The following RUNX2 variants were observed in gnomAD, a reference collection of about 807,000 sequenced individuals.
The protein encoded by RUNX2 is runt-related transcription factor 2.
Under a neutral mutation model 51.7 loss-of-function variants are expected in RUNX2, and 10 were observed. The observed-to-expected ratio is 0.19, with a 90% CI of 0.12 to 0.33. RUNX2 has a LOEUF of 0.33. Ranked by LOEUF, RUNX2 falls within the 10% of genes least tolerant of loss-of-function variation. RUNX2 has a pLI of 1.00. For missense variants in RUNX2, 562 were observed against 691.3 expected (o/e 0.81, Z 2.10); for synonymous variants, 276 against 273.6 (o/e 1.01, Z -0.09).
chr6:45,343,886 AGC>A (rs1790323259), intron 2 of RUNX2, among the ~76,000 whole-genome samples: 1 of 152,170 alleles, frequency 6.6e-6, no homozygotes, highest in Non-Finnish European at 1.5e-5. Context: ...TTAGAATCTT[AGC>A]CATCAAAGAC....
intron 2 of RUNX2, among the ~76,000 whole-genome samples, chr6:45,341,077 A>G (rs1789676680): frequency 6.6e-6 from 1 of 152,180 alleles, no homozygotes; most frequent in Non-Finnish European, 1.5e-5. Context: ...TGCCTACCAA[A>G]AAAATACTGC....
intron 5 of RUNX2, among the ~76,000 whole-genome samples, chr6:45,442,767 T>G (rs187388886): frequency 1.3e-5 from 2 of 152,328 alleles, no homozygotes; most frequent in East Asian, 3.9e-4. Context: ...GCTTGGGGTC[T>G]ATCATGTAGC....
intron 6 of RUNX2, among the ~76,000 whole-genome samples, chr6:45,503,339 C>T (rs941397890): frequency 1.3e-5 from 2 of 152,074 alleles, no homozygotes; most frequent in African/African-American, 2.4e-5. Context: ...AGAGTAGATA[C>T]CTGATACATA....
intron 2 of RUNX2, among the ~76,000 whole-genome samples, chr6:45,394,818 A>G (rs1401111404): frequency 6.6e-6 from 1 of 152,166 alleles, no homozygotes; most frequent in African/African-American, 2.4e-5. Flanking sequence ...GGCGTTGGTT[A>G]AGCAGAACAA....
intron 2 of RUNX2, among the ~76,000 whole-genome samples, chr6:45,369,837 G>A (rs748165232): frequency 2.8e-4 from 42 of 152,114 alleles, no homozygotes; most frequent in Non-Finnish European, 5.3e-4. Flanking sequence ...AAAAAAACAA[G>A]TTGATTTCAA....
intron 2 of RUNX2, among the ~76,000 whole-genome samples, chr6:45,372,823 T>C (rs1164085659): frequency 6.6e-6 from 1 of 151,954 alleles, no homozygotes; most frequent in Admixed American, 6.6e-5. Context: ...CAAGCTCAGC[T>C]ACATTTTTTT....
At chr6:45,422,495 C>T (rs1253401165) in intron 2 of RUNX2, 98 bp from the exon 3 acceptor site, 7 of 444,228 alleles carry the variant, frequency 1.6e-5, no homozygotes, top group Admixed American at 7.4e-5. Flanking sequence ...GTCTCGCCTT[C>T]ACCCCCCCAA....
chr6:45,442,137 A>T lies in RUNX2; in HGVS notation c.685+4086A>T, dbSNP rs142914162. Among the ~76,000 whole-genome samples the T allele has an allele frequency of 5.9e-5, 9 of 152,364 alleles. No individual in the cohort carries two copies. In the East Asian group the frequency reaches 1.7e-3, roughly 29 times the overall value. The stretch of plus-strand genomic sequence containing the variant: ...TCTCGGTTATAAAACTTCCCTTTAA[A>T]GGAACATAGCCGATGACTTATTAGA... On this transcript the variant is annotated intron_variant, in intron 5 of 8. Coordinates refer to ENST00000647337, the MANE Select transcript of RUNX2 (RefSeq NM_001024630.4).
chr6:45,425,574 A>G (rs1315203630), intron 3 of RUNX2, among the ~76,000 whole-genome samples: 1 of 152,190 alleles, frequency 6.6e-6, no homozygotes, highest in African/African-American at 2.4e-5. Context: ...TGTGTTAAAC[A>G]ATTCAAAAAG....
chr6:45,330,223 A>C (rs1332084578), intron 2 of RUNX2, among the ~76,000 whole-genome samples: 4 of 151,936 alleles, frequency 2.6e-5, no homozygotes. Flanking sequence ...TTAAAATTTT[A>C]ATGATGGGTA....
intron 7 of RUNX2, among the ~76,000 whole-genome samples, chr6:45,532,150 T>C (rs1055495666): frequency 2.1e-5 from 3 of 145,374 alleles, no homozygotes; most frequent in African/African-American, 7.6e-5. Context: ...ATTTTGTACA[T>C]AGAAAACCTA....
intron 2 of RUNX2, among the ~76,000 whole-genome samples, chr6:45,398,784 C>G (rs1357570742): frequency 1.3e-5 from 2 of 152,224 alleles, no homozygotes; most frequent in African/African-American, 4.8e-5. Context: ...GGCATGTGCT[C>G]TAATACAACT....
rs886061498 is a variant in RUNX2 at position 45,548,186 on chromosome 6, A to G, written c.*881A>G. On this transcript the variant is annotated 3_prime_UTR_variant, in exon 9 of 9. Coordinates refer to ENST00000647337, the MANE Select transcript of RUNX2 (RefSeq NM_001024630.4). ...AGGTAACTTGCTAACGTGAATGGTCATATAACTTTAAAGATATATTTATAA... is the reference window on the plus strand; with the variant it reads ...AGGTAACTTGCTAACGTGAATGGTCGTATAACTTTAAAGATATATTTATAA... The G allele has an allele frequency of 9.8e-5, 15 of 152,730 alleles. No individual in the cohort carries two copies. In the East Asian group the frequency reaches 2.5e-3, roughly 25 times the overall value. The allele number at this position is 152,730 out of a possible 1,614,324, so 9.5% of individuals were successfully genotyped here.
chr6:45,471,580 G>C (rs573205110), intron 5 of RUNX2, among the ~76,000 whole-genome samples: 1 of 151,868 alleles, frequency 6.6e-6, no homozygotes, highest in East Asian at 1.9e-4. Flanking sequence ...CAGCAGCTGG[G>C]ACTACAGGCG....
intron 5 of RUNX2, among the ~76,000 whole-genome samples, chr6:45,472,079 T>G (rs146319436): frequency 6.6e-6 from 1 of 152,216 alleles, no homozygotes; most frequent in Non-Finnish European, 1.5e-5. Context: ...GCTTGTTTGA[T>G]AGTAATTCTC....
chr6:45,485,192 CT>C (rs199954113), intron 5 of RUNX2, among the ~76,000 whole-genome samples: 22,480 of 139,164 alleles, frequency 0.16, 1,227 homozygotes, highest in Middle Eastern at 0.23. Context: ...TTCTTTCTTT[CT>C]TTTTTTTTTT....
At chr6:45,511,109 T>C (rs1016632116) in intron 6 of RUNX2, among the ~76,000 whole-genome samples, 1 of 152,252 alleles carries the variant, frequency 6.6e-6, no homozygotes, top group African/African-American at 2.4e-5. Context: ...ATGATTTTGT[T>C]TGATTAGCCC....
chr6:45,475,735 A>C (rs1799938480), intron 5 of RUNX2, among the ~76,000 whole-genome samples: 1 of 152,198 alleles, frequency 6.6e-6, no homozygotes. Context: ...CAGTTGAACA[A>C]AGTAGATCAG....
intron 3 of RUNX2, among the ~76,000 whole-genome samples, chr6:45,428,465 A>C (rs1027791598): frequency 6.6e-6 from 1 of 152,198 alleles, no homozygotes; most frequent in Non-Finnish European, 1.5e-5. Context: ...TAGCAGAAAA[A>C]AAACCAATAT....
Sources: allele counts gnomAD v4.1 joint callset (sites outside exome capture counted in the v4.1 genomes callset), GRCh38; gene constraint gnomAD v4.1.1; transcripts MANE v1.5; gene names NCBI Gene and HGNC (gene_info 2026-07-23, HGNC 2026-07-21).